DYSF: variants seen among roughly 807,000 people sequenced by gnomAD.
DYSF encodes dystrophy-associated fer-1-like 1.
In DYSF, 212 loss-of-function variants were observed where a neutral mutation model predicts 274.9. That is an observed-to-expected ratio of 0.77 (90% CI 0.69 to 0.86). DYSF has a LOEUF of 0.86. Among genes scored for constraint, DYSF ranks in the 40% least tolerant of loss-of-function variants. The pLI is 0.00. For synonymous variants in DYSF, 1,091 were observed against 1,078.7 expected (o/e 1.01, Z -0.22); for missense variants, 2,666 against 2,783.2 (o/e 0.96, Z 0.95).
chr2:71,606,624 C>G (rs1366656472), intron 36 of DYSF, among the ~76,000 whole-genome samples: 19 of 152,040 alleles, frequency 1.2e-4, no homozygotes, highest in Non-Finnish European at 2.9e-5. Flanking sequence ...GGACTCCTGC[C>G]TGGGAGATGA....
At chr2:71,509,519 T>C (rs1360377504) in intron 4 of DYSF, among the ~76,000 whole-genome samples, 1 of 152,138 alleles carries the variant, frequency 6.6e-6, no homozygotes, top group Non-Finnish European at 1.5e-5. Flanking sequence ...ATTGCTTTGA[T>C]GATTGCTAAA....
rs2303594 is a variant in DYSF at position 71,551,558 on chromosome 2, C to T, written c.1693-49C>T. 4.5e-3 allele frequency: 6,888 copies of T among 1,517,208 alleles called. 199 individuals are homozygous for T. The African/African-American group carries it at 0.069, about 15-fold the overall frequency. The allele number at this position is 1,517,208 out of a possible 1,614,324, so 94.0% of individuals were successfully genotyped here. ...GCCAGAGGGTGCCCCTTTCCTTCCCCTCCTCCCCTCTGTCTCCCCTGCTCC... is the reference window on the plus strand; with the variant it reads ...GCCAGAGGGTGCCCCTTTCCTTCCCTTCCTCCCCTCTGTCTCCCCTGCTCC... On this transcript the variant is annotated intron_variant, in intron 18 of 55. Transcript: ENST00000410020.
intron 17 of DYSF, among the ~76,000 whole-genome samples, chr2:71,544,750 T>C (rs1432103784): frequency 2.0e-5 from 3 of 152,166 alleles, no homozygotes; most frequent in African/African-American, 7.2e-5. Flanking sequence ...AAGCAAGACA[T>C]TGTTAACTTA....
intron 41 of DYSF, among the ~76,000 whole-genome samples, chr2:71,639,204 T>C (rs2152920144): frequency 6.6e-6 from 1 of 152,340 alleles, no homozygotes; most frequent in Non-Finnish European, 1.5e-5. Context: ...AGTTGTGAGT[T>C]CTCTATATAT....
chr2:71,464,462 G>A (rs916778228), upstream of DYSF, among the ~76,000 whole-genome samples: 4 of 152,176 alleles, frequency 2.6e-5, no homozygotes, highest in African/African-American at 7.2e-5. Context: ...TTGTGTGGCC[G>A]GGTTGGTCTC....
At chr2:71,518,086 G>C (rs1325674637) in intron 10 of DYSF, among the ~76,000 whole-genome samples, 6 of 152,060 alleles carry the variant, frequency 3.9e-5, no homozygotes, top group Non-Finnish European at 5.9e-5. Flanking sequence ...TGGATCCCTG[G>C]GGGAGGGAGA....
chr2:71,551,485 G>A (rs546602389), intron 18 of DYSF, 122 bp from the exon 19 acceptor site: 170 of 807,670 alleles, frequency 2.1e-4, no homozygotes, highest in Non-Finnish European at 3.0e-4. Flanking sequence ...GGGGGGATGA[G>A]GTTGGCTGAG....
chr2:71,611,065 C>T (rs2093748495), intron 36 of DYSF, 180 bp from the exon 37 acceptor site: 2 of 653,046 alleles, frequency 3.1e-6, no homozygotes, highest in Non-Finnish European at 5.6e-6. Flanking sequence ...GAAGATGATG[C>T]CTGGCCGAAA....
chr2:71,563,924 G>A, intron 23 of DYSF, 134 bp from the exon 24 acceptor site: 1 of 1,287,100 alleles, frequency 7.8e-7, no homozygotes, highest in East Asian at 2.4e-5. Flanking sequence ...GGCCAGGGTG[G>A]ACAGTGTGTG....
rs748875577 is a variant in DYSF at position 71,553,191 on chromosome 2, G to A, written c.1984+3G>A. ...GTACAGCCGTGCAGTCTTTGACGGT[G>A]AGGCAGTGCTCCTGGCTGGGACCCC... On this transcript the variant is annotated splice_donor_region_variant and intron_variant, in intron 20 of 55. Coordinates refer to ENST00000410020, the MANE Select transcript of DYSF (RefSeq NM_001130987.2). 1 of 1,613,998 alleles carries A rather than the reference G, an allele frequency of 6.2e-7. No homozygotes were observed. Among genetic ancestry groups the A allele is most frequent in the Non-Finnish European group, 8.5e-7 (1 of 1,180,032 alleles).
intron 41 of DYSF, among the ~76,000 whole-genome samples, chr2:71,623,737 T>C (rs1191968356): frequency 1.3e-5 from 2 of 152,140 alleles, no homozygotes; most frequent in African/African-American, 4.8e-5. Flanking sequence ...CCACCTTTTA[T>C]GTTATCTCAC....
chr2:71,625,422 A>C (rs2094191645), intron 41 of DYSF, among the ~76,000 whole-genome samples: 1 of 152,172 alleles, frequency 6.6e-6, no homozygotes, highest in African/African-American at 2.4e-5. Flanking sequence ...TCATCATAGA[A>C]TGATCTGTGC....
In DYSF at chr2:71,561,917, C is replaced by T. The variant is rs376262937; in HGVS notation, c.2382C>T (p.Leu794=). The part of the protein sequence containing the change: ...PAALEQAEDW[L]LRLRALAEEP... Reference sequence around the variant, plus strand: ...CTCTGGAGCAGGCGGAGGACTGGCTCCTGCGTCTGCGTGCCCTGGCAGAGG... The same window carrying T: ...CTCTGGAGCAGGCGGAGGACTGGCTTCTGCGTCTGCGTGCCCTGGCAGAGG... The change falls in exon 23 of 56, where the codon CTC becomes CTT. Residue 794 remains leucine (L), a synonymous_variant. Transcript: ENST00000410020. 1.2e-6 allele frequency: 2 copies of T among 1,613,992 alleles called. No individual in the cohort carries two copies. The highest frequency in any genetic ancestry group is 1.3e-5 in the African/African-American group (1 of 74,918).
intron 3 of DYSF, among the ~76,000 whole-genome samples, chr2:71,484,010 T>C (rs1178180942): frequency 2.0e-5 from 3 of 151,518 alleles, no homozygotes; most frequent in African/African-American, 7.3e-5. Flanking sequence ...CATTATCTTA[T>C]TCAGCATTTT....
At chr2:71,577,295 C>T (rs1169241813) in intron 30 of DYSF, among the ~76,000 whole-genome samples, 1 of 151,498 alleles carries the variant, frequency 6.6e-6, no homozygotes, top group African/African-American at 2.4e-5. Flanking sequence ...ACAACACACT[C>T]TGTTACACGA....
rs181457760 is a variant in DYSF, at chr2:71,592,572, C to T, written c.3574+2284C>T. On this transcript the variant is annotated intron_variant, in intron 32 of 55. Transcript: ENST00000410020. ...GCGGCCGGAGGCTGTGCATGGCCAC[C>T]GGCTGGCATTTCTCTGAGGAAACTC... Among the ~76,000 whole-genome samples, 346 of 152,344 alleles carry T rather than the reference C, an allele frequency of 2.3e-3. 1 individual carries two copies. Among genetic ancestry groups the T allele is most frequent in the African/African-American group, 7.9e-3 (328 of 41,594 alleles).
At chr2:71,654,185 A>G (rs2094723399) in intron 42 of DYSF, among the ~76,000 whole-genome samples, 1 of 152,238 alleles carries the variant, frequency 6.6e-6, no homozygotes, top group African/African-American at 2.4e-5. Flanking sequence ...AAATAAATGC[A>G]ATTTAAAATT....
At chr2:71,470,615 A>G (rs2081938730) in intron 1 of DYSF, among the ~76,000 whole-genome samples, 1 of 144,270 alleles carries the variant, frequency 6.9e-6, no homozygotes, top group Admixed American at 7.0e-5. Context: ...CGGAGGTTGC[A>G]GTGAGCCAAG....
intron 19 of DYSF, 85 bp from the exon 20 acceptor site, chr2:71,552,926 G>T (rs1284393250): frequency 2.1e-6 from 3 of 1,450,202 alleles, no homozygotes; most frequent in Non-Finnish European, 2.9e-6. Flanking sequence ...TTATGGCCGG[G>T]GCCTGCCAGA....
Sources: allele counts gnomAD v4.1 joint callset (sites outside exome capture counted in the v4.1 genomes callset), GRCh38; gene constraint gnomAD v4.1.1; transcripts MANE v1.5; gene names NCBI Gene and HGNC (gene_info 2026-07-23, HGNC 2026-07-21).